The following ZNF821 variants were observed in gnomAD, a reference collection of about 807,000 sequenced individuals.
ZNF821 encodes the protein zinc finger protein 821.
ZNF821 carries 16 observed loss-of-function variants against 44.3 expected under a neutral mutation model. The ratio of observed to expected loss-of-function variants is 0.36; its 90% CI spans 0.24 to 0.55. The LOEUF (loss-of-function observed/expected upper bound fraction) is 0.55. ZNF821 is among the 20% of genes least tolerant of loss of function. The pLI, the probability that ZNF821 is intolerant of heterozygous loss-of-function variation, is 0.86. For synonymous variants in ZNF821, 204 were observed against 197.6 expected (o/e 1.03, Z -0.27); for missense variants, 436 against 547.6 (o/e 0.80, Z 2.03).
chr16:71,874,576 C>G (rs1048184905), intron 3 of ZNF821, among the ~76,000 whole-genome samples: 1 of 152,120 alleles, frequency 6.6e-6, no homozygotes, highest in Non-Finnish European at 1.5e-5. Flanking sequence ...GCCTCAGCCC[C>G]CCAAGTAGCT....
chr16:71,886,100 G>T (rs1173326081), upstream of ZNF821, among the ~76,000 whole-genome samples: 1 of 152,144 alleles, frequency 6.6e-6, no homozygotes, highest in Non-Finnish European at 1.5e-5. Context: ...GTAATGTTGG[G>T]CAGCTTATTC....
At chr16:71,870,335 G>A (rs1257880860) in intron 3 of ZNF821, among the ~76,000 whole-genome samples, 1 of 150,602 alleles carries the variant, frequency 6.6e-6, no homozygotes, top group African/African-American at 2.4e-5. Context: ...TATCCAAGAT[G>A]ACACATTGGA....
chr16:71,878,007 T>C (rs1171200489), intron 3 of ZNF821, among the ~76,000 whole-genome samples: 3 of 148,166 alleles, frequency 2.0e-5, no homozygotes, highest in African/African-American at 7.4e-5. Context: ...CACACATATA[T>C]AGGTTTTTTG....
rs1263690744 is a variant in ZNF821 at position 71,883,236 on chromosome 16, G to A, written c.-103C>T. On this transcript the variant is annotated 5_prime_UTR_variant, in exon 2 of 8. Transcript: ENST00000425432. ...CTCCAGCTCTGGTGCAGTTCCCACGGAGCAAAGCAAACTCGACTGAATCCA... is the reference window on the plus strand; with the variant it reads ...CTCCAGCTCTGGTGCAGTTCCCACGAAGCAAAGCAAACTCGACTGAATCCA... 1 of 456,160 alleles carries A rather than the reference G, an allele frequency of 2.2e-6. No homozygotes were observed. The highest frequency in any genetic ancestry group is 2.4e-5 in the Admixed American group (1 of 42,544). 28.3% of individuals were successfully genotyped at this position (456,160 alleles called of 1,614,324 possible).
At chr16:71,887,397 C>A (rs955128768), upstream of ZNF821, among the ~76,000 whole-genome samples, 1 of 151,738 alleles carries the variant, frequency 6.6e-6, no homozygotes, top group Non-Finnish European at 1.5e-5. Flanking sequence ...GCAGCTGGGA[C>A]TACAGGTGCC....
intron 3 of ZNF821, among the ~76,000 whole-genome samples, chr16:71,879,212 G>C (rs905890146): frequency 1.3e-5 from 2 of 152,070 alleles, no homozygotes; most frequent in African/African-American, 4.8e-5. Context: ...TCTGACTTTT[G>C]AACAAATGAG....
At chr16:71,895,228 G>A in exon 1 of ZNF821, 1 of 171,586 alleles carries the variant, frequency 5.8e-6, no homozygotes, top group Non-Finnish European at 1.3e-5. Context: ...GGCCGTGGGC[G>A]CAGAGTCCGA....
upstream of ZNF821, among the ~76,000 whole-genome samples, chr16:71,885,532 T>A (rs1449731668): frequency 6.6e-6 from 1 of 152,266 alleles, no homozygotes; most frequent in Non-Finnish European, 1.5e-5. Context: ...GATTACTGGC[T>A]GCACAAAGGC....
At chr16:71,884,589 C>G (rs959552976), upstream of ZNF821, 2 of 152,306 alleles carry the variant, frequency 1.3e-5, no homozygotes, top group Non-Finnish European at 2.9e-5. Flanking sequence ...ACCACCGTCA[C>G]AAACCCTCTT....
At chr16:71,884,939 C>G (rs1381890514), upstream of ZNF821, 1 of 149,336 alleles carries the variant, frequency 6.7e-6, no homozygotes, top group Non-Finnish European at 1.5e-5. Flanking sequence ...CTCACTGCAA[C>G]CTGCGCCTCC....
chr16:71,865,586 T>C (rs750760706), intron 4 of ZNF821, among the ~76,000 whole-genome samples: 1 of 152,144 alleles, frequency 6.6e-6, no homozygotes, highest in Non-Finnish European at 1.5e-5. Flanking sequence ...CAGTAGTAAA[T>C]GAGTTTGAAA....
intron 3 of ZNF821, among the ~76,000 whole-genome samples, chr16:71,869,984 G>A (rs1464283766): frequency 6.6e-6 from 1 of 152,124 alleles, no homozygotes; most frequent in Admixed American, 6.6e-5. Context: ...GTAATTAGAA[G>A]GTTAGAAGCT....
intron 3 of ZNF821, among the ~76,000 whole-genome samples, chr16:71,877,452 G>C (rs940604541): frequency 7.9e-5 from 12 of 152,146 alleles, no homozygotes; most frequent in African/African-American, 2.6e-4. Context: ...AAAAAACGGG[G>C]TTTTGCCATG....
chr16:71,876,404 A>G (rs2035822574), intron 3 of ZNF821, among the ~76,000 whole-genome samples: 1 of 151,836 alleles, frequency 6.6e-6, no homozygotes, highest in African/African-American at 2.4e-5. Flanking sequence ...GGGTTTCAAC[A>G]TCTTGGCCAG....
upstream of ZNF821, among the ~76,000 whole-genome samples, chr16:71,887,808 T>C (rs1271867248): frequency 2.0e-5 from 3 of 152,202 alleles, no homozygotes; most frequent in Non-Finnish European, 4.4e-5. Flanking sequence ...TATTGACCAT[T>C]TGGAGAATGT....
intron 1 of ZNF821, among the ~76,000 whole-genome samples, chr16:71,891,693 G>A (rs1283112889): frequency 1.3e-5 from 2 of 152,198 alleles, no homozygotes; most frequent in Non-Finnish European, 1.5e-5. Context: ...GGCCAACATG[G>A]TGAAACCTCA....
At chr16:71,892,360 G>A (rs1229299984) in intron 1 of ZNF821, among the ~76,000 whole-genome samples, 4 of 138,392 alleles carry the variant, frequency 2.9e-5, no homozygotes, top group Non-Finnish European at 1.6e-5. Flanking sequence ...TCCGCCTCCC[G>A]GGTTCACACC....
At chr16:71,867,630 G>T (rs866401356) in intron 4 of ZNF821, among the ~76,000 whole-genome samples, 6 of 151,664 alleles carry the variant, frequency 4.0e-5, no homozygotes, top group Admixed American at 6.6e-5. Context: ...AGGTTGCAGT[G>T]AGCTGAGATC....
chr16:71,859,990 G>A lies in ZNF821; in HGVS notation c.*28C>T, dbSNP rs375931949. 10 of 1,537,050 alleles carry A rather than the reference G, an allele frequency of 6.5e-6. No individual in the cohort carries two copies. The South Asian group carries it at 1.0e-4, about 16-fold the overall frequency. ...GTGTGGGTGGGTGGGTAGGTAGGTG[G>A]GAAGGAGGGCAGGCAGGAGGGTGTG... On this transcript the variant is annotated 3_prime_UTR_variant, in exon 8 of 8. Coordinates refer to ENST00000425432, the MANE Select transcript of ZNF821 (RefSeq NM_001201552.2).
Sources: gnomAD v4.1 joint callset for allele counts (sites outside exome capture counted in the v4.1 genomes callset) on GRCh38, gnomAD v4.1.1 for gene constraint, MANE v1.5 for transcripts, NCBI Gene and HGNC (gene_info 2026-07-23, HGNC 2026-07-21) for gene names.